PPHLN1: variants seen among roughly 807,000 people sequenced by gnomAD.
PPHLN1 encodes periphilin 1, also known as periphilin-1.
PPHLN1 carries 29 observed loss-of-function variants against 51.3 expected under a neutral mutation model. The observed-to-expected ratio is 0.57, with a 90% CI of 0.42 to 0.77. The LOEUF is 0.77. PPHLN1 is among the 30% of genes least tolerant of loss of function. The probability of loss-of-function intolerance (pLI) is 0.00; values close to 1 mark genes in which losing one functional copy is unlikely to be tolerated. For synonymous variants in PPHLN1, 147 were observed against 147.8 expected (o/e 0.99, Z 0.04); for missense variants, 436 against 438.4 (o/e 0.99, Z 0.05).
At chr12:42,383,983 C>CAAAAAAAAAAAAAAAAAA (rs61016692) in intron 5 of PPHLN1, among the ~76,000 whole-genome samples, 1 of 51,642 alleles carries the variant, frequency 1.9e-5, no homozygotes, top group Non-Finnish European at 4.0e-5. Context: ...GACTGTGTCT[C>CAAAAAAAAAAAAAAAAAA]AAAAAAAAAA....
At chr12:42,348,472 A>G (rs896723250) in intron 2 of PPHLN1, among the ~76,000 whole-genome samples, 1 of 151,964 alleles carries the variant, frequency 6.6e-6, no homozygotes, top group Admixed American at 6.6e-5. Context: ...TGGTAAAGCA[A>G]TTTTTCTAAA....
At chr12:42,358,447 A>G (rs372051766) in intron 4 of PPHLN1, among the ~76,000 whole-genome samples, 24 of 152,110 alleles carry the variant, frequency 1.6e-4, no homozygotes, top group Non-Finnish European at 2.8e-4. Flanking sequence ...CTTGAATGCA[A>G]TGGTGTGATC....
At chr12:42,408,032 A>G (rs1391187909) in intron 9 of PPHLN1, among the ~76,000 whole-genome samples, 1 of 152,156 alleles carries the variant, frequency 6.6e-6, no homozygotes, top group East Asian at 1.9e-4. Context: ...GATTAGTGTT[A>G]TTGAAGTTAG....
chr12:42,404,209 T>C (rs1262052297), intron 9 of PPHLN1, among the ~76,000 whole-genome samples: 1 of 152,194 alleles, frequency 6.6e-6, no homozygotes, highest in East Asian at 1.9e-4. Context: ...AGCTTTGCAA[T>C]ATTGATTACT....
intron 9 of PPHLN1, chr12:42,432,253 A>G (rs1283837926): frequency 1.3e-6 from 1 of 773,960 alleles, no homozygotes; most frequent in Non-Finnish European, 2.4e-6. Flanking sequence ...TGGAGGTGTA[A>G]TTAGGGCCCT....
intron 2 of PPHLN1, among the ~76,000 whole-genome samples, chr12:42,344,608 GTA>G (rs1248440443): frequency 2.0e-5 from 3 of 151,594 alleles, no homozygotes; most frequent in Non-Finnish European, 4.4e-5. Flanking sequence ...GTGAAAATGA[GTA>G]AATTTTAATG....
At chr12:42,432,402 C>T in intron 9 of PPHLN1, 2 of 753,962 alleles carry the variant, frequency 2.7e-6, no homozygotes, top group South Asian at 1.4e-5. Context: ...TGCACATTTC[C>T]AATGGTTTCT....
chr12:42,438,134 G>A (rs928712691), intron 9 of PPHLN1, among the ~76,000 whole-genome samples: 1 of 152,142 alleles, frequency 6.6e-6, no homozygotes, highest in Non-Finnish European at 1.5e-5. Context: ...ATAAAGATTT[G>A]TATGCAGGTT....
At chr12:42,385,063 A>T (rs375495180) in intron 6 of PPHLN1, 67 bp downstream of exon 6, 1 of 1,468,582 alleles carries the variant, frequency 6.8e-7, no homozygotes, top group Non-Finnish European at 9.5e-7. Context: ...GATAGCGGTT[A>T]TGGAAATGGG....
chr12:42,439,584 G>A (rs765904260), intron 9 of PPHLN1, among the ~76,000 whole-genome samples: 2 of 152,168 alleles, frequency 1.3e-5, no homozygotes, highest in African/African-American at 4.8e-5. Context: ...GCACGATCTC[G>A]GCTCACTGCG....
downstream of PPHLN1, chr12:42,445,159 T>C (rs765171686): frequency 1.4e-5 from 10 of 701,952 alleles, no homozygotes; most frequent in South Asian, 1.3e-4. Flanking sequence ...ATCACACATA[T>C]TTGAGCCCAC....
intron 4 of PPHLN1, among the ~76,000 whole-genome samples, chr12:42,356,010 A>G (rs554685910): frequency 5.4e-4 from 83 of 152,364 alleles, no homozygotes; most frequent in Middle Eastern, 3.4e-3. Flanking sequence ...TTGATTACTT[A>G]CAGAGGGCAT....
intron 9 of PPHLN1, among the ~76,000 whole-genome samples, chr12:42,422,274 TG>T (rs2081073767): frequency 6.6e-6 from 1 of 152,232 alleles, no homozygotes; most frequent in Admixed American, 6.5e-5. Context: ...AGCCACATTT[TG>T]ATGTTTATGC....
intron 9 of PPHLN1, among the ~76,000 whole-genome samples, chr12:42,426,716 G>A (rs1218732600): frequency 6.6e-6 from 1 of 152,148 alleles, no homozygotes; most frequent in Admixed American, 6.5e-5. Context: ...ACCTTTGCTA[G>A]GATTCCTCCC....
chr12:42,388,013 G>A (rs2077336594), intron 7 of PPHLN1, among the ~76,000 whole-genome samples: 1 of 152,222 alleles, frequency 6.6e-6, no homozygotes, highest in South Asian at 2.1e-4. Flanking sequence ...ATGCACTGCG[G>A]AACGCCGCAG....
intron 1 of PPHLN1, among the ~76,000 whole-genome samples, chr12:42,327,053 C>T (rs2068897153): frequency 6.6e-6 from 1 of 152,222 alleles, no homozygotes; most frequent in Non-Finnish European, 1.5e-5. Flanking sequence ...CACTAATTCT[C>T]TAGGCATACT....
intron 5 of PPHLN1, 66 bp from the exon 6 acceptor site, chr12:42,384,874 T>C: frequency 6.8e-7 from 1 of 1,461,582 alleles, no homozygotes; most frequent in South Asian, 1.1e-5. Flanking sequence ...ACTTCTGAGT[T>C]CTTCTCTTGT....
At chr12:42,366,889 C>G (rs2075326404) in intron 4 of PPHLN1, among the ~76,000 whole-genome samples, 1 of 152,144 alleles carries the variant, frequency 6.6e-6, no homozygotes, top group South Asian at 2.1e-4. Flanking sequence ...AGGGTCCACA[C>G]AGAGATAAAA....
At chr12:42,403,692 T>G (rs957612509) in intron 9 of PPHLN1, among the ~76,000 whole-genome samples, 4 of 152,206 alleles carry the variant, frequency 2.6e-5, no homozygotes, top group Non-Finnish European at 4.4e-5. Flanking sequence ...TAAAATGATA[T>G]GAGTACCTTA....
Sources: allele counts gnomAD v4.1 joint callset (sites outside exome capture counted in the v4.1 genomes callset), GRCh38; gene constraint gnomAD v4.1.1; transcripts MANE v1.5; gene names NCBI Gene and HGNC (gene_info 2026-07-23, HGNC 2026-07-21).